The following XIRP2 variants were observed in gnomAD, a reference collection of about 807,000 sequenced individuals.
XIRP2 encodes the protein xin actin binding repeat containing 2, also known as xin actin-binding repeat-containing protein 2.
XIRP2 carries 236 observed loss-of-function variants against 277.0 expected under a neutral mutation model. The ratio of observed to expected loss-of-function variants is 0.85; its 90% CI spans 0.77 to 0.95. The LOEUF is 0.95. XIRP2 is among the 40% of genes least tolerant of loss of function. The pLI, the probability that XIRP2 is intolerant of heterozygous loss-of-function variation, is 0.00. For missense variants in XIRP2, 4,640 were observed against 4,157.5 expected, an observed-to-expected ratio of 1.12 and a Z score of -3.19; for synonymous variants, 1,490 against 1,416.5, an observed-to-expected ratio of 1.05 and a Z score of -1.17.
At chr2:166,942,797 A>T (rs1162496919) in intron 2 of XIRP2, among the ~76,000 whole-genome samples, 1 of 152,182 alleles carries the variant, frequency 6.6e-6, no homozygotes, top group Non-Finnish European at 1.5e-5. Context: ...ACAAAATAAA[A>T]GCCTTGAAGA....
chr2:167,208,535 C>T (rs1290727021), intron 3 of XIRP2, among the ~76,000 whole-genome samples: 1 of 152,152 alleles, frequency 6.6e-6, no homozygotes, highest in Non-Finnish European at 1.5e-5. Flanking sequence ...GTCTGGATCT[C>T]CTGACCTCGT....
At chr2:167,187,665 C>A in intron 3 of XIRP2, 1 of 600,876 alleles carries the variant, frequency 1.7e-6, no homozygotes, top group African/African-American at 2.0e-5. Flanking sequence ...TTGGATTTTG[C>A]TTCTATGATA....
chr2:166,966,707 T>C (rs1380004774), intron 2 of XIRP2, among the ~76,000 whole-genome samples: 1 of 152,000 alleles, frequency 6.6e-6, no homozygotes, highest in Non-Finnish European at 1.5e-5. Flanking sequence ...AAGAGACAAA[T>C]GTGGACCTTT....
At position 167,210,740 on chromosome 2, in the gene XIRP2, G is replaced by T; in HGVS notation, c.568G>T (p.Ala190Ser). The T allele has an allele frequency of 6.2e-7, 1 of 1,614,152 alleles. No individual in the cohort carries two copies. Among genetic ancestry groups the T allele is most frequent in the Non-Finnish European group, 8.5e-7 (1 of 1,179,998 alleles). Residue 190 changes from alanine to serine, a missense_variant, in exon 4 of 11, where the codon GCT (alanine) becomes TCT (serine). By Grantham distance (99) the Ala-to-Ser change is moderately conservative (BLOSUM62 1). Transcript: ENST00000409195. ...CATGCTCTGTTTGCTTTCAGCGACT[G>T]CTGGCCCTAATAAGCCTGAGAGTGG... Reference protein sequence around the residue: ...SGHSRIFEATAGPNKPESGFA... With the variant: ...SGHSRIFEATSGPNKPESGFA...
At chr2:167,175,900 C>A (rs553712822) in intron 3 of XIRP2, among the ~76,000 whole-genome samples, 1 of 152,122 alleles carries the variant, frequency 6.6e-6, no homozygotes, top group South Asian at 2.1e-4. Flanking sequence ...TGGTACCCAG[C>A]GGCTTTGTTT....
At chr2:167,087,075 T>C (rs979607992) in intron 2 of XIRP2, among the ~76,000 whole-genome samples, 10 of 151,910 alleles carry the variant, frequency 6.6e-5, no homozygotes, top group Non-Finnish European at 1.2e-4. Flanking sequence ...TTTGTGGTTT[T>C]ATCTACTTTT....
rs183952817 is a variant in XIRP2 at position 167,240,471 on chromosome 2, G to A, written c.970-193G>A. On this transcript the variant is annotated intron_variant, in intron 6 of 10. Transcript: ENST00000409195. ...CCCTATAAAAGTATGATTCCTCTTC[G>A]GATGTCAATTCAAATATATTCTTTT... Among the ~76,000 whole-genome samples, 1,164 of 152,036 alleles carry A rather than the reference G, an allele frequency of 7.7e-3. 6 individuals carry two copies. The highest frequency in any genetic ancestry group is 0.012 in the Non-Finnish European group (845 of 67,984).
chr2:167,158,804 T>C (rs1389363127), intron 3 of XIRP2, among the ~76,000 whole-genome samples: 1 of 152,174 alleles, frequency 6.6e-6, no homozygotes, highest in Non-Finnish European at 1.5e-5. Context: ...AAGATTCCAA[T>C]CTGTAGACAG....
At chr2:167,208,382 A>G (rs887389404) in intron 3 of XIRP2, among the ~76,000 whole-genome samples, 3 of 151,984 alleles carry the variant, frequency 2.0e-5, no homozygotes, top group African/African-American at 4.8e-5. Context: ...TCTTGGCTTC[A>G]CTGCAAGCTT....
chr2:167,081,286 C>A (rs967482572), intron 2 of XIRP2, among the ~76,000 whole-genome samples: 2 of 151,990 alleles, frequency 1.3e-5, no homozygotes, highest in Admixed American at 1.3e-4. Context: ...GGCAACACAG[C>A]AAGACCCTCA....
In XIRP2 at chr2:167,007,695, TCTCTCTCTCACACACACA is replaced by T. The variant is rs56949116; in HGVS notation, c.408+103807_408+103824del. Among the ~76,000 whole-genome samples the T allele has an allele frequency of 2.4e-3, 285 of 118,712 alleles. 3 individuals are homozygous for T. Among genetic ancestry groups the T allele is most frequent in the African/African-American group, 9.6e-3 (267 of 27,806 alleles). The allele number at this position is 118,712 out of a possible 152,430, so 77.9% of individuals were successfully genotyped here. On this transcript the variant is annotated intron_variant, in intron 2 of 10. Transcript: ENST00000409195. ...CACATGTACACTCTCTCTCTCTCTC[TCTCTCTCTCACACACACA>T]CACACACACACACACACACACACAC...
intron 4 of XIRP2, among the ~76,000 whole-genome samples, chr2:167,212,700 C>G (rs1559023085): frequency 6.6e-6 from 1 of 152,168 alleles, no homozygotes; most frequent in Non-Finnish European, 1.5e-5. Context: ...AATTCAACTT[C>G]TTCCTCTTCC....
At chr2:167,154,297 T>C (rs1471211827) in intron 3 of XIRP2, among the ~76,000 whole-genome samples, 1 of 150,980 alleles carries the variant, frequency 6.6e-6, no homozygotes, top group Non-Finnish European at 1.5e-5. Context: ...CATTGTAGAT[T>C]CTGGATATTA....
intron 5 of XIRP2, among the ~76,000 whole-genome samples, chr2:167,235,893 A>G (rs1694886873): frequency 6.6e-6 from 1 of 151,950 alleles, no homozygotes; most frequent in African/African-American, 2.4e-5. Flanking sequence ...AATCCAGACA[A>G]TCACAATGGT....
chr2:167,146,725 G>C (rs1338012868), intron 3 of XIRP2, among the ~76,000 whole-genome samples: 1 of 151,972 alleles, frequency 6.6e-6, no homozygotes, highest in African/African-American at 2.4e-5. Context: ...TAAAGGACCA[G>C]TTAGGTCCTT....
At chr2:167,174,050 A>G (rs1312712197) in intron 3 of XIRP2, among the ~76,000 whole-genome samples, 1 of 152,190 alleles carries the variant, frequency 6.6e-6, no homozygotes, top group Admixed American at 6.5e-5. Context: ...GTCGATGTTC[A>G]TCAGGGATAT....
chr2:167,143,161 T>C lies in XIRP2; in HGVS notation c.562+7099T>C, dbSNP rs920129721. ...GCAAATATTTACTGAACAGGTACTA[T>C]GGACCTGCCCCTGTGCTTGGCACTG... On this transcript the variant is annotated intron_variant, in intron 3 of 10. Coordinates refer to ENST00000409195, the MANE Select transcript of XIRP2 (RefSeq NM_152381.6). Among the ~76,000 whole-genome samples, 10 of 152,254 alleles carry C rather than the reference T, an allele frequency of 6.6e-5. 1 individual carries two copies. The South Asian group carries it at 1.5e-3, about 22-fold the overall frequency.
At chr2:167,094,000 A>T (rs1374242340) in intron 2 of XIRP2, among the ~76,000 whole-genome samples, 1 of 151,624 alleles carries the variant, frequency 6.6e-6, no homozygotes, top group East Asian at 1.9e-4. Flanking sequence ...CATTTTAATG[A>T]TCACCATTCT....
chr2:166,895,447 G>T (rs1684218079), intron 1 of XIRP2, among the ~76,000 whole-genome samples: 1 of 152,150 alleles, frequency 6.6e-6, no homozygotes, highest in Admixed American at 6.6e-5. Flanking sequence ...CCCCCAGGTG[G>T]ATAAATAAGG....
Sources: gnomAD v4.1 joint callset for allele counts (sites outside exome capture counted in the v4.1 genomes callset) on GRCh38, gnomAD v4.1.1 for gene constraint, MANE v1.5 for transcripts, NCBI Gene and HGNC (gene_info 2026-07-23, HGNC 2026-07-21) for gene names.